The following EIF3F variants were observed in gnomAD, a reference collection of about 807,000 sequenced individuals.
The protein encoded by EIF3F is deubiquitinating enzyme eIF3f.
A neutral mutation model predicts 36.0 loss-of-function variants in EIF3F; 8 were observed. The observed-to-expected ratio is 0.22, with a 90% CI of 0.13 to 0.40. The LOEUF (loss-of-function observed/expected upper bound fraction) is 0.40. EIF3F is among the 10% of genes least tolerant of loss of function. The pLI is 1.00. For missense variants in EIF3F, 430 were observed against 467.6 expected, an observed-to-expected ratio of 0.92 and a Z score of 0.74; for synonymous variants, 184 against 188.5, an observed-to-expected ratio of 0.98 and a Z score of 0.19.
intron 1 of EIF3F, among the ~76,000 whole-genome samples, chr11:7,991,374 T>C (rs1263305117): frequency 6.6e-6 from 1 of 152,122 alleles, no homozygotes; most frequent in Non-Finnish European, 1.5e-5. Context: ...GACGTCTCAG[T>C]GTCTGAAACT....
In EIF3F at chr11:7,995,355, C is replaced by T. The variant is rs1166674311; in HGVS notation, c.984C>T (p.Asn328=). The T allele has an allele frequency of 6.2e-7, 1 of 1,613,806 alleles. No individual in the cohort carries two copies. ...IVPDDFETML[N]SNINDLLMVT... ...CCGATGACTTTGAGACCATGCTCAA[C>T]AGCAACATCAATGTGAGTGCCCTTC... is the stretch of plus-strand genomic sequence containing the variant. The change falls in exon 7 of 8, where the codon AAC becomes AAT. Residue 328 remains asparagine (N), a synonymous_variant. Coordinates refer to ENST00000651655, the MANE Select transcript of EIF3F (RefSeq NM_003754.3).
At chr11:7,987,869 T>C (rs1483614528) in intron 1 of EIF3F, 153 bp downstream of exon 1, 2 of 1,187,938 alleles carry the variant, frequency 1.7e-6, no homozygotes, top group Non-Finnish European at 2.2e-6. Context: ...TCCTACCTTT[T>C]GCTGTGACTT....
chr11:7,992,823 A>C, intron 3 of EIF3F, 64 bp from the exon 4 acceptor site: 1 of 1,609,114 alleles, frequency 6.2e-7, no homozygotes. Context: ...CACCCATGCC[A>C]CTGTTGTGTT....
chr11:7,988,627 A>G (rs1942055730), intron 1 of EIF3F, among the ~76,000 whole-genome samples: 1 of 152,176 alleles, frequency 6.6e-6, no homozygotes, highest in Admixed American at 6.5e-5. Flanking sequence ...TTGTGAATCC[A>G]CTTTATTTAC....
In EIF3F at chr11:7,995,950, T is replaced by C; in HGVS notation, c.1002T>C (p.Leu334=). 6.2e-7 allele frequency: 1 copy of C among 1,613,914 alleles called. No individual in the cohort carries two copies. Among genetic ancestry groups the C allele is most frequent in the Non-Finnish European group, 8.5e-7 (1 of 1,179,812 alleles). The change falls in exon 8 of 8, where the codon CTT becomes CTC. Residue 334 remains leucine (L), a synonymous_variant. Transcript: ENST00000651655. ...ETMLNSNIND[L]LMVTYLANLT... is the part of the protein sequence containing the mutation. ...GTGTATTCTTTGTCTTCCAGGACCTTTTGATGGTGACCTACCTGGCCAACC... is the reference window on the plus strand; with the variant it reads ...GTGTATTCTTTGTCTTCCAGGACCTCTTGATGGTGACCTACCTGGCCAACC...
rs533505992 is a variant in EIF3F, at chr11:7,997,072, A to G, written c.*1050A>G. 8.5e-5 allele frequency: 13 copies of G among 152,340 alleles called. No individual in the cohort carries two copies. Among genetic ancestry groups the G allele is most frequent in the African/African-American group, 3.1e-4 (13 of 41,580 alleles). 9.4% of individuals were successfully genotyped at this position (152,340 alleles called of 1,614,324 possible). On this transcript the variant is annotated 3_prime_UTR_variant, in exon 8 of 8. Transcript: ENST00000651655. ...TAAAGGTGAATAGTTTGAAAGTAAT[A>G]AGCAACATGAACCCCAGCCTGGAAC...
At chr11:7,987,888 A>C (rs1942046824) in intron 1 of EIF3F, 172 bp downstream of exon 1, 1 of 980,176 alleles carries the variant, frequency 1.0e-6, no homozygotes, top group Non-Finnish European at 1.4e-6. Context: ...TTATCTTCTC[A>C]AGCACTTGCA....
intron 1 of EIF3F, 121 bp from the exon 2 acceptor site, chr11:7,991,660 T>C (rs2058711236): frequency 3.2e-6 from 3 of 947,416 alleles, no homozygotes; most frequent in Non-Finnish European, 1.7e-6. Context: ...AACTTGGAGC[T>C]AATGAGTTCA....
At chr11:7,991,912 T>A (rs941946272) in intron 2 of EIF3F, 61 bp downstream of exon 2, 1 of 1,583,158 alleles carries the variant, frequency 6.3e-7, no homozygotes, top group Admixed American at 1.7e-5. Flanking sequence ...TCGGCTCCCC[T>A]CACGGTCCCT....
Position 7,994,449 on chromosome 11 carries a change from G to A in EIF3F, c.677G>A (p.Arg226Lys). ...YVSTLMGVPGRTMGVMFTPLT... is the reference protein window; with the variant it reads ...YVSTLMGVPGKTMGVMFTPLT... ...AGCACTTTAATGGGAGTCCCTGGGA[G>A]GACCATGGGAGTGATGTTCACGCCT... is the stretch of plus-strand genomic sequence containing the variant. The change falls in exon 5 of 8, where the codon AGG becomes AAG. Residue 226 changes from arginine to lysine, a missense_variant. By Grantham distance (26) the Arg-to-Lys change is conservative. Around this residue, in one of 2 missense-constraint regions of EIF3F, gnomAD observed 262 missense variants for 347.4 expected, o/e 0.75. Transcript: ENST00000651655. The A allele has an allele frequency of 2.5e-6, 4 of 1,614,018 alleles. No individual in the cohort carries two copies. Among genetic ancestry groups the A allele is most frequent in the Non-Finnish European group, 2.5e-6 (3 of 1,179,976 alleles).
intron 7 of EIF3F, 56 bp downstream of exon 7, chr11:7,995,423 T>TA: frequency 7.3e-7 from 1 of 1,363,918 alleles, no homozygotes; most frequent in Non-Finnish European, 1.1e-6. Context: ...CCTCAGCACA[T>TA]ACACTCAAAT....
intron 4 of EIF3F, 148 bp downstream of exon 4, chr11:7,993,172 T>G: frequency 1.1e-6 from 1 of 947,760 alleles, no homozygotes; most frequent in Non-Finnish European, 1.5e-6. Context: ...TCTAAAGGTT[T>G]CACTCTGAAA....
chr11:7,994,865 G>A, intron 5 of EIF3F, 117 bp from the exon 6 acceptor site: 3 of 1,433,876 alleles, frequency 2.1e-6, no homozygotes, highest in Non-Finnish European at 1.9e-6. Context: ...AGTCTAAGGG[G>A]AGTTGGGAAA....
Position 7,987,400 on chromosome 11 carries a change from C to T in EIF3F, c.48C>T (p.Thr16=), listed in dbSNP as rs1351395689. ...VPVSAPPATP[T]PVPAAAPASV... ...TAAGTGCTCCTCCGGCCACGCCAAC[C>T]CCAGTCCCGGCGGCGGCCCCAGCCT... Residue 16 remains threonine (T), a synonymous_variant, in exon 1 of 8, where the codon ACC becomes ACT. Coordinates refer to ENST00000651655, the MANE Select transcript of EIF3F (RefSeq NM_003754.3). The T allele has an allele frequency of 2.5e-6, 4 of 1,600,510 alleles. No homozygotes were observed. Among genetic ancestry groups the T allele is most frequent in the Non-Finnish European group, 3.4e-6 (4 of 1,179,502 alleles).
intron 4 of EIF3F, among the ~76,000 whole-genome samples, chr11:7,993,931 CATAGT>C (rs1050203392): frequency 6.6e-6 from 1 of 151,850 alleles, no homozygotes; most frequent in African/African-American, 2.4e-5. Flanking sequence ...ATATAGTTGA[CATAGT>C]AAAGTATAGA....
intron 3 of EIF3F, chr11:7,992,437 T>C (rs1051423452): frequency 1.4e-4 from 69 of 487,336 alleles, no homozygotes; most frequent in African/African-American, 1.2e-3. Flanking sequence ...CCAGGCATGA[T>C]GACACACACC....
intron 4 of EIF3F, 99 bp downstream of exon 4, chr11:7,993,123 G>A: frequency 1.5e-6 from 2 of 1,360,228 alleles, no homozygotes; most frequent in East Asian, 2.6e-5. Flanking sequence ...GTAACTTGCT[G>A]TGTCCTTAGG....
Position 7,994,535 on chromosome 11 carries a change from A to C in EIF3F, c.745+18A>C. ...CATCGGAGGTGAGTAACCTTTCCAT[A>C]CACTCGCGAGAGGCCATAGGCATTT... On this transcript the variant is annotated intron_variant, in intron 5 of 7. Coordinates refer to ENST00000651655, the MANE Select transcript of EIF3F (RefSeq NM_003754.3). 6.2e-7 allele frequency: 1 copy of C among 1,608,870 alleles called. No homozygotes were observed. Among genetic ancestry groups the C allele is most frequent in the South Asian group, 1.1e-5 (1 of 90,084 alleles).
rs368298850 is a variant in EIF3F at position 7,987,394 on chromosome 11, G to A, written c.42G>A (p.Thr14=). The change falls in exon 1 of 8, where the codon ACG becomes ACA. Residue 14 remains threonine, a synonymous_variant. Coordinates refer to ENST00000651655, the MANE Select transcript of EIF3F (RefSeq NM_003754.3). The part of the protein sequence containing the change: ...PAVPVSAPPA[T]PTPVPAAAPA... ...TACCAGTAAGTGCTCCTCCGGCCAC[G>A]CCAACCCCAGTCCCGGCGGCGGCCC... The A allele has an allele frequency of 3.2e-4, 507 of 1,599,422 alleles. No individual in the cohort carries two copies. Among genetic ancestry groups the A allele is most frequent in the Non-Finnish European group, 3.9e-4 (460 of 1,179,182 alleles).
Sources: allele counts gnomAD v4.1 joint callset (sites outside exome capture counted in the v4.1 genomes callset), GRCh38; gene constraint gnomAD v4.1.1; regional missense constraint gnomAD v4.1.1; transcripts MANE v1.5; gene names NCBI Gene and HGNC (gene_info 2026-07-23, HGNC 2026-07-21).